The following ENTHD1 variants were observed in gnomAD, a reference collection of about 807,000 sequenced individuals.
ENTHD1 encodes the protein ENTH domain containing 1, also known as ENTH domain-containing protein 1.
In ENTHD1, 23 loss-of-function variants were observed where a neutral mutation model predicts 39.1. That is an observed-to-expected ratio of 0.59 (90% confidence interval 0.42 to 0.83). ENTHD1 has a LOEUF of 0.83. Among genes scored for constraint, ENTHD1 ranks in the 40% least tolerant of loss-of-function variants. The probability of loss-of-function intolerance (pLI) is 0.00; values close to 1 mark genes in which losing one functional copy is unlikely to be tolerated. For synonymous variants in ENTHD1, 230 were observed against 258.2 expected, an observed-to-expected ratio of 0.89 and a Z score of 1.05; for missense variants, 624 against 705.4, an observed-to-expected ratio of 0.88 and a Z score of 1.31.
chr22:39,802,045 A>C (rs552431309), intron 5 of ENTHD1, among the ~76,000 whole-genome samples: 3 of 152,278 alleles, frequency 2.0e-5, no homozygotes, highest in African/African-American at 4.8e-5. Flanking sequence ...CTCATAGCCA[A>C]CTCAAATGTA....
rs114948690 is a variant in ENTHD1 at position 39,743,860 on chromosome 22, A to G, written c.1643T>C (p.Ile548Thr). The G allele has an allele frequency of 3.3e-4, 528 of 1,614,116 alleles. 1 individual carries two copies. In the African/African-American group the frequency reaches 6.1e-3, roughly 19 times the overall value. The change falls in exon 7 of 7, where the codon ATT (isoleucine) becomes ACT (threonine). Residue 548 changes from isoleucine (I) to threonine (T), a missense_variant. Ile to Thr is a moderately conservative substitution (Grantham distance 89). Transcript: ENST00000325157. ...TTTTACCTCCCTTAAAAGAACACTA[A>G]TGGAATTCTTTGCTTCAGGTTCCTG... ...FPQEPEAKNS[I>T]SVLLREVKRA...
At chr22:39,892,485 A>G (rs2066434258) in intron 1 of ENTHD1, among the ~76,000 whole-genome samples, 1 of 152,234 alleles carries the variant, frequency 6.6e-6, no homozygotes, top group African/African-American at 2.4e-5. Flanking sequence ...TGCTCTGAAC[A>G]ATTAAACACA....
At chr22:39,744,542 C>G (rs1342239317) in intron 6 of ENTHD1, among the ~76,000 whole-genome samples, 1 of 149,334 alleles carries the variant, frequency 6.7e-6, no homozygotes, top group African/African-American at 2.4e-5. Flanking sequence ...CTTGACTCAT[C>G]TTGACTCAAA....
At chr22:39,749,792 G>A (rs1042747335) in intron 6 of ENTHD1, among the ~76,000 whole-genome samples, 10 of 152,236 alleles carry the variant, frequency 6.6e-5, no homozygotes, top group Non-Finnish European at 1.5e-5. Context: ...CTGGGAACAG[G>A]AGGAGGCAAC....
intron 6 of ENTHD1, among the ~76,000 whole-genome samples, chr22:39,755,780 T>A (rs2146540905): frequency 6.6e-6 from 1 of 152,300 alleles, no homozygotes. Context: ...ACACTTATCC[T>A]ATCACCAGGT....
At chr22:39,877,083 G>A (rs2066297142) in intron 2 of ENTHD1, among the ~76,000 whole-genome samples, 1 of 152,294 alleles carries the variant, frequency 6.6e-6, no homozygotes, top group South Asian at 2.1e-4. Flanking sequence ...GATCACTTGG[G>A]AACCTTGAAT....
At chr22:39,887,303 C>G in intron 2 of ENTHD1, 97 bp downstream of exon 2, 1 of 1,055,592 alleles carries the variant, frequency 9.5e-7, no homozygotes, top group African/African-American at 1.6e-5. Flanking sequence ...CATCAAATGC[C>G]TGGGCTCATG....
intron 6 of ENTHD1, among the ~76,000 whole-genome samples, chr22:39,747,397 GA>G (rs1291473952): frequency 6.6e-6 from 1 of 152,092 alleles, no homozygotes; most frequent in Non-Finnish European, 1.5e-5. Flanking sequence ...TCTTTCCCAA[GA>G]CCACAAGGCT....
intron 5 of ENTHD1, among the ~76,000 whole-genome samples, chr22:39,778,337 G>C (rs996872167): frequency 6.6e-6 from 1 of 152,098 alleles, no homozygotes; most frequent in Admixed American, 6.5e-5. Flanking sequence ...TTCTAGGAAG[G>C]GGGGTATTTG....
chr22:39,889,496 G>A (rs976163099), intron 1 of ENTHD1, among the ~76,000 whole-genome samples: 3 of 152,110 alleles, frequency 2.0e-5, no homozygotes, highest in Admixed American at 2.0e-4. Context: ...AAGCCCTGAC[G>A]AACATCCAGA....
chr22:39,762,745 A>C (rs2065245690), intron 6 of ENTHD1, among the ~76,000 whole-genome samples: 1 of 152,094 alleles, frequency 6.6e-6, no homozygotes, highest in Non-Finnish European at 1.5e-5. Context: ...AAGTCACTGT[A>C]CCAGGTCCAT....
chr22:39,785,777 G>C (rs1267946538), intron 5 of ENTHD1, among the ~76,000 whole-genome samples: 2 of 152,112 alleles, frequency 1.3e-5, no homozygotes, highest in East Asian at 3.9e-4. Flanking sequence ...CTTGGGACTG[G>C]GTGACTGACC....
chr22:39,803,456 A>G (rs931511655), intron 5 of ENTHD1, among the ~76,000 whole-genome samples: 11 of 152,036 alleles, frequency 7.2e-5, no homozygotes, highest in African/African-American at 2.4e-4. Flanking sequence ...GTTACAATCT[A>G]TAATTGTTTT....
intron 3 of ENTHD1, among the ~76,000 whole-genome samples, chr22:39,860,760 T>TC (rs2066133374): frequency 6.6e-6 from 1 of 152,230 alleles, no homozygotes; most frequent in Non-Finnish European, 1.5e-5. Context: ...TGTTTTTGCT[T>TC]CCTCAAGCTG....
chr22:39,816,465 T>C (rs574823324), intron 5 of ENTHD1, among the ~76,000 whole-genome samples: 1 of 152,324 alleles, frequency 6.6e-6, no homozygotes, highest in South Asian at 2.1e-4. Flanking sequence ...TACGCTGTTA[T>C]AGTTGTTGCA....
intron 6 of ENTHD1, among the ~76,000 whole-genome samples, chr22:39,749,849 TGGG>T: frequency 6.6e-6 from 1 of 152,306 alleles, no homozygotes; most frequent in Non-Finnish European, 1.5e-5. Context: ...GTTCCAGGGC[TGGG>T]CACTGGGTTG....
At chr22:39,824,118 C>G (rs558133069) in intron 4 of ENTHD1, among the ~76,000 whole-genome samples, 13 of 145,572 alleles carry the variant, frequency 8.9e-5, no homozygotes, top group South Asian at 4.4e-4. Context: ...TTAACAGGGT[C>G]TTTTGCAGAG....
intron 3 of ENTHD1, among the ~76,000 whole-genome samples, chr22:39,847,330 T>C (rs2065997401): frequency 8.3e-6 from 1 of 120,998 alleles, no homozygotes; most frequent in Admixed American, 1.1e-4. Flanking sequence ...TGAGAACACA[T>C]GGACACAGGA....
rs191531656 is a variant in ENTHD1 at position 39,779,167 on chromosome 22, A to T, written c.833-13558T>A. Among the ~76,000 whole-genome samples the T allele has an allele frequency of 3.0e-3, 450 of 152,148 alleles. 3 individuals carry two copies. Among genetic ancestry groups the T allele is most frequent in the African/African-American group, 0.01 (432 of 41,526 alleles). ...CCCCATCTCTACTAAAAACACAAAA[A>T]TTGGCCGGGCATGGTGGTGAGTGCC... On this transcript the variant is annotated intron_variant, in intron 5 of 6. Coordinates refer to ENST00000325157, the MANE Select transcript of ENTHD1 (RefSeq NM_152512.4).
Sources: allele counts gnomAD v4.1 joint callset (sites outside exome capture counted in the v4.1 genomes callset), GRCh38; gene constraint gnomAD v4.1.1; transcripts MANE v1.5; gene names NCBI Gene and HGNC (gene_info 2026-07-23, HGNC 2026-07-21).